The following LRRK2 variants were observed in gnomAD, a reference collection of about 807,000 sequenced individuals.
The protein encoded by LRRK2 is leucine rich repeat kinase 2, also known as leucine-rich repeat serine/threonine-protein kinase 2.
Under a neutral mutation model 302.6 loss-of-function variants are expected in LRRK2, and 203 were observed. That is an observed-to-expected ratio of 0.67 (90% confidence interval 0.60 to 0.75). LRRK2 has a LOEUF of 0.75. Among genes scored for constraint, LRRK2 ranks in the 30% least tolerant of loss-of-function variants. The pLI is 0.00. For missense variants in LRRK2, 2,830 were observed against 2,951.0 expected (o/e 0.96, Z 0.95); for synonymous variants, 1,066 against 1,031.9 (o/e 1.03, Z -0.63).
intron 16 of LRRK2, 34 bp from the exon 17 acceptor site, chr12:40,277,854 G>C: frequency 6.5e-7 from 1 of 1,538,556 alleles, no homozygotes; most frequent in Non-Finnish European, 8.8e-7. Flanking sequence ...GCCTGTAATT[G>C]CTTATTTTAT....
At chr12:40,354,596 T>A in intron 45 of LRRK2, 104 bp downstream of exon 45, 2 of 1,035,140 alleles carry the variant, frequency 1.9e-6, no homozygotes, top group South Asian at 1.3e-5. Context: ...ATTTTTAGCC[T>A]ATTTTCATTG....
intron 25 of LRRK2, chr12:40,301,043 A>AT (rs1944606371): frequency 4.3e-6 from 2 of 461,038 alleles, no homozygotes; most frequent in African/African-American, 2.0e-5. Context: ...AAGCCGTGAG[A>AT]TTTTTTGTGT....
intron 44 of LRRK2, among the ~76,000 whole-genome samples, chr12:40,352,257 A>G (rs1298703513): frequency 6.6e-6 from 1 of 152,118 alleles, no homozygotes; most frequent in East Asian, 1.9e-4. Context: ...GATAAATAGC[A>G]CATCTCTGAA....
intron 48 of LRRK2, 142 bp downstream of exon 48, chr12:40,363,696 G>C: frequency 2.4e-6 from 2 of 844,830 alleles, no homozygotes; most frequent in Non-Finnish European, 1.8e-6. Flanking sequence ...ATGCTTCTCA[G>C]CACCATCTTT....
chr12:40,296,328 G>A (rs1448799752), intron 23 of LRRK2, among the ~76,000 whole-genome samples: 1 of 152,118 alleles, frequency 6.6e-6, no homozygotes, highest in Non-Finnish European at 1.5e-5. Context: ...TAATGCAAAT[G>A]TTTAAATTGT....
At chr12:40,287,589 A>G (rs553760673) in intron 20 of LRRK2, 50 bp downstream of exon 20, 1 of 1,566,978 alleles carries the variant, frequency 6.4e-7, no homozygotes, top group East Asian at 2.3e-5. Flanking sequence ...ACACACTGAC[A>G]TTGAACAATA....
Position 40,231,996 on chromosome 12 carries a change from G to T in LRRK2, c.238-278G>T, listed in dbSNP as rs148217035. Among the ~76,000 whole-genome samples the T allele has an allele frequency of 0.011, 1,718 of 151,786 alleles. 25 individuals carry two copies. Among genetic ancestry groups the T allele is most frequent in the South Asian group, 0.036 (173 of 4,826 alleles). ...TTTTTGTATTTTTAGTAGAGACTGG[G>T]TTTCACCATCTTGGCCACATTGGTC... On this transcript the variant is annotated intron_variant, in intron 2 of 50. Coordinates refer to ENST00000298910, the MANE Select transcript of LRRK2 (RefSeq NM_198578.4).
chr12:40,239,219 A>G (rs1264038284), intron 5 of LRRK2, among the ~76,000 whole-genome samples: 1 of 152,224 alleles, frequency 6.6e-6, no homozygotes, highest in Non-Finnish European at 1.5e-5. Flanking sequence ...TATTGCAGCG[A>G]GAGTGACTCT....
Position 40,367,915 on chromosome 12 carries a change from T to C in LRRK2, c.*150T>C. 1 of 588,412 alleles carries C rather than the reference T, an allele frequency of 1.7e-6. No individual in the cohort carries two copies. Among genetic ancestry groups the C allele is most frequent in the Non-Finnish European group, 2.8e-6 (1 of 363,594 alleles). 36.4% of individuals were successfully genotyped at this position (588,412 alleles called of 1,614,324 possible). On this transcript the variant is annotated 3_prime_UTR_variant, in exon 51 of 51. Coordinates refer to ENST00000298910, the MANE Select transcript of LRRK2 (RefSeq NM_198578.4). The stretch of plus-strand genomic sequence containing the variant: ...TGTTATTATTTTTAATTTAAATATA[T>C]GTAAAAATACTTACCAGTAAATGTG...
In LRRK2 at chr12:40,232,397, A is replaced by G. The variant is rs1941243120; in HGVS notation, c.347+14A>G. ...TGGTGTTCACCAGTAAGTATGATAGATATGTAAAACAAATGGCCTTGAGTA... is the reference window on the plus strand; with the variant it reads ...TGGTGTTCACCAGTAAGTATGATAGGTATGTAAAACAAATGGCCTTGAGTA... On this transcript the variant is annotated intron_variant, in intron 3 of 50. Coordinates refer to ENST00000298910, the MANE Select transcript of LRRK2 (RefSeq NM_198578.4). 1.3e-6 allele frequency: 2 copies of G among 1,584,886 alleles called. No individual in the cohort carries two copies. The highest frequency in any genetic ancestry group is 4.5e-5 in the East Asian group (2 of 44,740).
At chr12:40,366,222 A>G (rs543020548) in intron 49 of LRRK2, 27 of 151,966 alleles carry the variant, frequency 1.8e-4, no homozygotes, top group African/African-American at 5.5e-4. Flanking sequence ...ATTTTGCCTC[A>G]GGGATTTGCA....
intron 48 of LRRK2, 64 bp downstream of exon 48, chr12:40,363,618 A>G (rs1306712887): frequency 6.4e-7 from 1 of 1,564,714 alleles, no homozygotes. Flanking sequence ...TGTGTCACAG[A>G]GGAAGGATTT....
rs946773171 is a variant in LRRK2, at chr12:40,356,164, A to G, written c.6820A>G (p.Ile2274Val). The G allele has an allele frequency of 1.9e-6, 3 of 1,612,040 alleles. No individual in the cohort carries two copies. Among genetic ancestry groups the G allele is most frequent in the Middle Eastern group, 1.7e-4 (1 of 6,024 alleles). ...TGGAACCGCTGATGGCAAGTTAGCAATTTTTGAAGATAAGACTGTTAAGGT... is the reference window on the plus strand; with the variant it reads ...TGGAACCGCTGATGGCAAGTTAGCAGTTTTTGAAGATAAGACTGTTAAGGT... ...LVGTADGKLAIFEDKTVKLKG... is the reference protein window; with the variant it reads ...LVGTADGKLAVFEDKTVKLKG... The change falls in exon 46 of 51, where the codon ATT becomes GTT. Residue 2274 changes from isoleucine to valine, a missense_variant. Ile to Val is a conservative substitution (Grantham distance 29). Transcript: ENST00000298910.
intron 31 of LRRK2, among the ~76,000 whole-genome samples, chr12:40,312,324 G>T (rs1403744840): frequency 6.6e-6 from 1 of 152,134 alleles, no homozygotes; most frequent in East Asian, 1.9e-4. Flanking sequence ...GCTAATGGAT[G>T]CAGCATTCTG....
At chr12:40,328,238 GAAAC>G (rs1344678943) in intron 38 of LRRK2, 118 bp from the exon 39 acceptor site, 3 of 730,456 alleles carry the variant, frequency 4.1e-6, no homozygotes, top group Non-Finnish European at 7.1e-6. Flanking sequence ...TTGATTCAAT[GAAAC>G]AAGTAGGTCA....
intron 14 of LRRK2, among the ~76,000 whole-genome samples, chr12:40,272,190 A>G (rs1366306445): frequency 6.6e-6 from 1 of 152,202 alleles, no homozygotes; most frequent in African/African-American, 2.4e-5. Flanking sequence ...TGAAATACAC[A>G]CCTGTGAAGC....
In LRRK2 at chr12:40,315,285, T is replaced by C; in HGVS notation, c.4812T>C (p.Cys1604=). The C allele has an allele frequency of 6.2e-7, 1 of 1,612,502 alleles. No individual in the cohort carries two copies. Among genetic ancestry groups the C allele is most frequent in the Non-Finnish European group, 8.5e-7 (1 of 1,178,702 alleles). ...DLYFVEPKWL[C]KIMAQILTVK... is the part of the protein sequence containing the mutation. ...ACTTTGTGGAACCCAAGTGGCTTTGTAAAATCATGGCACAGGTTGGTGTCT... is the reference window on the plus strand; with the variant it reads ...ACTTTGTGGAACCCAAGTGGCTTTGCAAAATCATGGCACAGGTTGGTGTCT... The change falls in exon 33 of 51, where the codon TGT becomes TGC. Residue 1604 remains cysteine (C), a synonymous_variant. Coordinates refer to ENST00000298910, the MANE Select transcript of LRRK2 (RefSeq NM_198578.4).
Position 40,278,172 on chromosome 12 carries a change from G to A in LRRK2, c.2152G>A (p.Asp718Asn). ...LKNVMLERAC[D>N]QNNSIMVECL... ...AAATGTGATGCTAGAGAGAGCGTGT[G>A]ATCAGAATAACAGCATCATGGTTGA... The change falls in exon 18 of 51, where the codon GAT becomes AAT. Residue 718 changes from aspartate (D) to asparagine (N), a missense_variant. By Grantham distance (23) the Asp-to-Asn change is conservative. Transcript: ENST00000298910. 3 of 1,614,068 alleles carry A rather than the reference G, an allele frequency of 1.9e-6. No homozygotes were observed. The highest frequency in any genetic ancestry group is 2.5e-6 in the Non-Finnish European group (3 of 1,179,970).
chr12:40,296,190 A>C (rs1944379624), intron 23 of LRRK2, among the ~76,000 whole-genome samples: 1 of 152,218 alleles, frequency 6.6e-6, no homozygotes, highest in Non-Finnish European at 1.5e-5. Flanking sequence ...TCTTGTAAGA[A>C]TTAAAGTATA....
Sources: allele counts gnomAD v4.1 joint callset (sites outside exome capture counted in the v4.1 genomes callset), GRCh38; gene constraint gnomAD v4.1.1; transcripts MANE v1.5; gene names NCBI Gene and HGNC (gene_info 2026-07-23, HGNC 2026-07-21).